The following NBEAL2 variants were observed in gnomAD, a reference collection of about 807,000 sequenced individuals.
NBEAL2 encodes neurobeachin-like protein 2.
A neutral mutation model predicts 299.8 loss-of-function variants in NBEAL2; 160 were observed. The ratio of observed to expected loss-of-function variants is 0.53; its 90% confidence interval spans 0.47 to 0.61. NBEAL2 has a LOEUF of 0.61. Ranked by LOEUF, NBEAL2 falls within the 20% of genes least tolerant of loss-of-function variation. NBEAL2 has a pLI of 0.00. For synonymous variants in NBEAL2, 1,493 were observed against 1,542.3 expected (o/e 0.97, Z 0.75); for missense variants, 3,112 against 3,649.0 (o/e 0.85, Z 3.79).
At chr3:46,985,456 C>T (rs1010342372) in intron 1 of NBEAL2, among the ~76,000 whole-genome samples, 2 of 152,186 alleles carry the variant, frequency 1.3e-5, no homozygotes, top group African/African-American at 4.8e-5. Flanking sequence ...CAGCCCTCAG[C>T]CCTCCAGGTT....
rs757417910 is a variant in NBEAL2, at chr3:46,989,558, C to T, written c.521C>T (p.Ala174Val). ...AAGAGCAAATACAAGTTCCCTCCTG[C>T]TGCTTTGCCCCAGGAATTCAGCGCC... ...KEKSKYKFPPAALPQEFSAFF... is the reference protein window; with the variant it reads ...KEKSKYKFPPVALPQEFSAFF... The change falls in exon 6 of 54, where the codon GCT becomes GTT. Residue 174 changes from alanine to valine, a missense_variant. Coordinates refer to ENST00000450053, the MANE Select transcript of NBEAL2 (RefSeq NM_015175.3). The surrounding 1 kb of genome is among the most constrained non-coding windows in gnomAD (Gnocchi z 5.5). 1 of 1,597,848 alleles carries T rather than the reference C, an allele frequency of 6.3e-7. No individual in the cohort carries two copies. The highest frequency in any genetic ancestry group is 1.1e-5 in the South Asian group (1 of 88,246).
At position 47,005,553 on chromosome 3, in the gene NBEAL2, C is replaced by A; in HGVS notation, c.6625C>A (p.Pro2209Thr). ...AAAWQARLESPADVKELIPEF... is the reference protein window; with the variant it reads ...AAAWQARLESTADVKELIPEF... ...AGCCTGGCAGGCACGCCTGGAGAGC[C>A]CTGCCGATGTGAAGGAGCTCATCCC... The change falls in exon 41 of 54, where the codon CCT becomes ACT. Residue 2209 changes from proline to threonine, a missense_variant. By Grantham distance (38) the Pro-to-Thr change is conservative. Around this residue, in one of 3 missense-constraint regions of NBEAL2, gnomAD observed 521 missense variants for 729.6 expected, o/e 0.71. Transcript: ENST00000450053. 6.2e-7 allele frequency: 1 copy of A among 1,612,474 alleles called. No individual in the cohort carries two copies. Among genetic ancestry groups the A allele is most frequent in the Non-Finnish European group, 8.5e-7 (1 of 1,179,424 alleles).
At chr3:46,987,353 A>T (rs767584909) in intron 1 of NBEAL2, among the ~76,000 whole-genome samples, 2 of 151,882 alleles carry the variant, frequency 1.3e-5, no homozygotes, top group Non-Finnish European at 2.9e-5. Context: ...TTTCCACTCT[A>T]GCTCCCCCTG....
In NBEAL2 at chr3:47,001,576, G is replaced by A. The variant is rs2036993276; in HGVS notation, c.4645-113G>A. The A allele has an allele frequency of 5.7e-6, 9 of 1,565,768 alleles. No homozygotes were observed. The highest frequency in any genetic ancestry group is 4.5e-5 in the East Asian group (2 of 44,196). ...CATGAATGCCTGTGAGTGTGGACTT[G>A]CCTGTGTGCACAAACCCTACCTGGC... On this transcript the variant is annotated intron_variant, in intron 29 of 53. Transcript: ENST00000450053. This position sits in a 1 kb window ranked among gnomAD's most constrained non-coding sequence, Gnocchi z 6.1.
intron 10 of NBEAL2, among the ~76,000 whole-genome samples, chr3:46,993,578 T>G (rs1389281965): frequency 6.6e-6 from 1 of 152,240 alleles, no homozygotes; most frequent in Non-Finnish European, 1.5e-5. Context: ...CTTGCTGGCC[T>G]GTCTGTACTC....
At chr3:46,999,527 C>A in intron 25 of NBEAL2, 53 bp downstream of exon 25, 2 of 1,583,246 alleles carry the variant, frequency 1.3e-6, no homozygotes, top group Admixed American at 3.5e-5. Flanking sequence ...AAAAACAGGG[C>A]AGGCAGGCCG....
Position 47,002,456 on chromosome 3 carries a change from A to G in NBEAL2, c.5237A>G (p.Asp1746Gly). The change falls in exon 32 of 54, where the codon GAC becomes GGC. Residue 1746 changes from aspartate to glycine, a missense_variant. Coordinates refer to ENST00000450053, the MANE Select transcript of NBEAL2 (RefSeq NM_015175.3). ...LMSGFWNACY[D>G]MLMSSGQRRQ... is the part of the protein sequence containing the mutation. ...TCAGGTTTCTGGAATGCCTGCTATGACATGCTTATGAGCAGTGGGCAGCGG... is the reference window on the plus strand; with the variant it reads ...TCAGGTTTCTGGAATGCCTGCTATGGCATGCTTATGAGCAGTGGGCAGCGG... 6.2e-7 allele frequency: 1 copy of G among 1,613,316 alleles called. No homozygotes were observed. The highest frequency in any genetic ancestry group is 8.5e-7 in the Non-Finnish European group (1 of 1,179,892).
At position 47,006,437 on chromosome 3, in the gene NBEAL2, A is replaced by C; in HGVS notation, c.7122A>C (p.Ala2374=). The change falls in exon 45 of 54, where the codon GCA becomes GCC. Residue 2374 remains alanine, a synonymous_variant. Transcript: ENST00000450053. ...TCCAGCACCTGGACGAACTCAAGGC[A>C]TTCTTCGCAGAGGTGAAAGGAAGAC... The part of the protein sequence containing the change: ...SIFQHLDELK[A]FFAEVVSDGV... 1 of 1,581,642 alleles carries C rather than the reference A, an allele frequency of 6.3e-7. No homozygotes were observed. The highest frequency in any genetic ancestry group is 8.6e-7 in the Non-Finnish European group (1 of 1,163,486).
intron 21 of NBEAL2, 41 bp downstream of exon 21, chr3:46,998,267 G>T: frequency 1.3e-6 from 2 of 1,590,320 alleles, no homozygotes; most frequent in South Asian, 1.1e-5. Flanking sequence ...CCATAGGGCA[G>T]CTGAGCACTG....
intron 45 of NBEAL2, among the ~76,000 whole-genome samples, 200 bp downstream of exon 45, chr3:47,006,649 C>G (rs974367095): frequency 6.6e-6 from 1 of 152,162 alleles, no homozygotes; most frequent in Non-Finnish European, 1.5e-5. Flanking sequence ...AGTGTCGACT[C>G]AACAAGCTCT....
chr3:46,998,302 G>C (rs2107365349), intron 21 of NBEAL2, 76 bp downstream of exon 21: 1 of 1,547,866 alleles, frequency 6.5e-7, no homozygotes, highest in Non-Finnish European at 8.8e-7. Context: ...TGCTCTGGGG[G>C]ATCTGAGGGA....
chr3:47,004,535 T>C lies in NBEAL2; in HGVS notation c.6239T>C (p.Met2080Thr), dbSNP rs1339171276. Residue 2080 changes from methionine (M) to threonine (T), a missense_variant, in exon 38 of 54, where the codon ATG becomes ACG. Around this residue, in one of 3 missense-constraint regions of NBEAL2, gnomAD observed 521 missense variants for 729.6 expected, o/e 0.71. Transcript: ENST00000450053. This position sits in a 1 kb window ranked among gnomAD's most constrained non-coding sequence, Gnocchi z 5.0. ...GAGATATCCAACTTCGAGTACTTGA[T>C]GCAACTCAACACCATTGCGGGGCGG... Reference protein sequence around the residue: ...QREISNFEYLMQLNTIAGRTY... With the variant: ...QREISNFEYLTQLNTIAGRTY... The C allele has an allele frequency of 6.2e-7, 1 of 1,613,700 alleles. No homozygotes were observed. Among genetic ancestry groups the C allele is most frequent in the Non-Finnish European group, 8.5e-7 (1 of 1,179,848 alleles).
chr3:46,991,625 T>C lies in NBEAL2; in HGVS notation c.862T>C (p.Trp288Arg), dbSNP rs1374719564. Residue 288 changes from tryptophan (W) to arginine (R), a missense_variant, in exon 8 of 54, where the codon TGG becomes CGG. Trp to Arg is a moderately radical substitution (Grantham distance 101). Around this residue, in one of 3 missense-constraint regions of NBEAL2, gnomAD observed 2,243 missense variants for 2,538.1 expected, o/e 0.88. Transcript: ENST00000450053. The surrounding 1 kb of genome is among the most constrained non-coding windows in gnomAD (Gnocchi z 6.2). ...CTACTTCCATGTCCTTAATGCTGAC[T>C]GGCCAGCTGGTCTGAGCTCAGGCCC... Reference protein sequence around the residue: ...ESYFHVLNADWPAGLSSGPEE... With the variant: ...ESYFHVLNADRPAGLSSGPEE... 6.3e-7 allele frequency: 1 copy of C among 1,599,836 alleles called. No individual in the cohort carries two copies. Among genetic ancestry groups the C allele is most frequent in the Non-Finnish European group, 8.5e-7 (1 of 1,179,816 alleles).
chr3:46,998,630 G>T, intron 22 of NBEAL2, 65 bp downstream of exon 22: 2 of 1,567,574 alleles, frequency 1.3e-6, no homozygotes, highest in South Asian at 2.3e-5. Flanking sequence ...CTTGGGGACT[G>T]GGCGGTGCGC....
In NBEAL2 at chr3:46,994,549, A is replaced by T; in HGVS notation, c.1292A>T (p.Asn431Ile). ...CATCGGCTGTTGCAAGAGCTGCTCA[A>T]CATGGTGAGGGAAGGGGCTTGGGAC... ...PTHRLLQELL[N>I]MAVEGDHSMC... is the part of the protein sequence containing the mutation. Residue 431 changes from asparagine (N) to isoleucine (I), a missense_variant, in exon 12 of 54, where the codon AAC becomes ATC. Transcript: ENST00000450053. 1 of 1,577,046 alleles carries T rather than the reference A, an allele frequency of 6.3e-7. No individual in the cohort carries two copies. The highest frequency in any genetic ancestry group is 8.6e-7 in the Non-Finnish European group (1 of 1,159,354).
At position 46,996,291 on chromosome 3, in the gene NBEAL2, C is replaced by G; in HGVS notation, c.2172C>G (p.Ile724Met). The G allele has an allele frequency of 6.2e-7, 1 of 1,608,218 alleles. No individual in the cohort carries two copies. The highest frequency in any genetic ancestry group is 8.5e-7 in the Non-Finnish European group (1 of 1,179,830). The change falls in exon 16 of 54, where the codon ATC becomes ATG. Residue 724 changes from isoleucine to methionine, a missense_variant. Around this residue, in one of 3 missense-constraint regions of NBEAL2, gnomAD observed 2,243 missense variants for 2,538.1 expected, o/e 0.88. Transcript: ENST00000450053. ...CACAGCCTTTCTCCTCCTGCTGTAT[C>G]GGCTCCGCTGGATACCGCACAACGA... Reference protein sequence around the residue: ...SLSEPFSSCCIGSAGYRTTTT... With the variant: ...SLSEPFSSCCMGSAGYRTTTT...
chr3:46,999,781 T>C (rs2036818720), intron 26 of NBEAL2, 66 bp downstream of exon 26: 1 of 1,591,452 alleles, frequency 6.3e-7, no homozygotes, highest in African/African-American at 1.3e-5. Context: ...GCCTTCCACC[T>C]TGCCTGTCTC....
At chr3:46,987,935 C>G in intron 1 of NBEAL2, 1 of 1,213,692 alleles carries the variant, frequency 8.2e-7, no homozygotes, top group Non-Finnish European at 1.1e-6. Flanking sequence ...CCTCCCCCAC[C>G]GTGACTCTGC....
chr3:47,002,623 T>C (rs1321658116), intron 32 of NBEAL2, 22 bp from the exon 33 acceptor site: 1 of 1,608,466 alleles, frequency 6.2e-7, no homozygotes, highest in East Asian at 2.2e-5. Context: ...GCCAGGGGAC[T>C]GACCTATTAC....
Sources: allele counts gnomAD v4.1 joint callset (sites outside exome capture counted in the v4.1 genomes callset), GRCh38; gene constraint gnomAD v4.1.1; regional missense constraint gnomAD v4.1.1; non-coding constraint Gnocchi (gnomAD v3.1); transcripts MANE v1.5; gene names NCBI Gene and HGNC (gene_info 2026-07-23, HGNC 2026-07-21).